Variants in KIAA1328 observed in about 807,000 individuals in gnomAD.
The protein encoded by KIAA1328 is KIAA1328.
KIAA1328 carries 52 observed loss-of-function variants against 68.1 expected under a neutral mutation model. The observed-to-expected ratio is 0.76, with a 90% CI of 0.61 to 0.96. The LOEUF (loss-of-function observed/expected upper bound fraction) is 0.96, where lower values mean the gene tolerates loss of function less well. Ranked by LOEUF, KIAA1328 falls within the 40% of genes least tolerant of loss-of-function variation. The probability of loss-of-function intolerance (pLI) is 0.00; values close to 1 mark genes in which losing one functional copy is unlikely to be tolerated. For missense variants in KIAA1328, 641 were observed against 677.6 expected (o/e 0.95, Z 0.60); for synonymous variants, 232 against 239.4 (o/e 0.97, Z 0.28).
At chr18:37,078,255 C>T (rs992453279) in intron 7 of KIAA1328, among the ~76,000 whole-genome samples, 19 of 152,112 alleles carry the variant, frequency 1.2e-4, no homozygotes, top group Non-Finnish European at 1.8e-4. Flanking sequence ...ATAAATGGTG[C>T]TGGGAAAACT....
At chr18:37,117,431 G>A (rs567524949) in intron 7 of KIAA1328, among the ~76,000 whole-genome samples, 1 of 152,282 alleles carries the variant, frequency 6.6e-6, no homozygotes, top group East Asian at 1.9e-4. Context: ...TCATAGGTGG[G>A]AATTGAACAA....
chr18:37,093,979 T>C (rs1418863046), intron 7 of KIAA1328, among the ~76,000 whole-genome samples: 6 of 152,124 alleles, frequency 3.9e-5, no homozygotes, highest in African/African-American at 9.7e-5. Context: ...CATGAGGAAA[T>C]GAGGAAATGG....
intron 4 of KIAA1328, among the ~76,000 whole-genome samples, chr18:36,871,605 T>C (rs2047947268): frequency 6.6e-6 from 1 of 151,854 alleles, no homozygotes; most frequent in African/African-American, 2.4e-5. Context: ...TGTAAGCAAG[T>C]AGGTAGGTAT....
At chr18:37,110,981 T>C (rs1052008933) in intron 7 of KIAA1328, among the ~76,000 whole-genome samples, 9 of 152,204 alleles carry the variant, frequency 5.9e-5, no homozygotes, top group Admixed American at 4.6e-4. Flanking sequence ...TGGCATTGTG[T>C]CCTTTGGTAC....
chr18:37,007,351 A>G, intron 6 of KIAA1328, among the ~76,000 whole-genome samples: 1 of 152,270 alleles, frequency 6.6e-6, no homozygotes, highest in Middle Eastern at 3.4e-3. Context: ...CATTATATAC[A>G]TGATTGTGTA....
chr18:37,091,343 A>G (rs2057261791), intron 7 of KIAA1328, among the ~76,000 whole-genome samples: 1 of 152,188 alleles, frequency 6.6e-6, no homozygotes, highest in South Asian at 2.1e-4. Context: ...TCACACCAGG[A>G]AGAACTCCTC....
chr18:36,839,121 G>A (rs2046775865), intron 3 of KIAA1328, among the ~76,000 whole-genome samples: 1 of 152,080 alleles, frequency 6.6e-6, no homozygotes, highest in Non-Finnish European at 1.5e-5. Context: ...ATCAAATTGG[G>A]AAATGTTTCA....
At chr18:37,212,683 G>C (rs1382700895) in intron 9 of KIAA1328, among the ~76,000 whole-genome samples, 1 of 152,004 alleles carries the variant, frequency 6.6e-6, no homozygotes, top group Non-Finnish European at 1.5e-5. Flanking sequence ...TTAACCTTAA[G>C]TTTTTCTGGC....
intron 3 of KIAA1328, among the ~76,000 whole-genome samples, chr18:36,841,101 C>T (rs1395974364): frequency 6.6e-6 from 1 of 151,890 alleles, no homozygotes; most frequent in Admixed American, 6.6e-5. Flanking sequence ...TTGAGGATGC[C>T]ATTTGGATCA....
chr18:37,162,884 TAAAAAAA>T (rs34141985), intron 8 of KIAA1328, among the ~76,000 whole-genome samples: 7 of 137,636 alleles, frequency 5.1e-5, no homozygotes, highest in African/African-American at 1.9e-4. Flanking sequence ...CTAAACATGT[TAAAAAAA>T]AAAAAAAGAC....
chr18:36,883,739 A>G (rs2048396355), intron 4 of KIAA1328, among the ~76,000 whole-genome samples: 1 of 152,142 alleles, frequency 6.6e-6, no homozygotes, highest in Non-Finnish European at 1.5e-5. Flanking sequence ...TGTTTTATGC[A>G]TCATCCTACA....
At chr18:36,904,234 A>G (rs914399432) in intron 5 of KIAA1328, among the ~76,000 whole-genome samples, 14 of 152,088 alleles carry the variant, frequency 9.2e-5, no homozygotes, top group African/African-American at 3.4e-4. Flanking sequence ...ATGGAAGTGG[A>G]TTATCCTGAA....
intron 6 of KIAA1328, among the ~76,000 whole-genome samples, chr18:36,974,659 C>T (rs2052388805): frequency 6.6e-6 from 1 of 152,052 alleles, no homozygotes; most frequent in Non-Finnish European, 1.5e-5. Context: ...TGGGTAGATA[C>T]ACAGTAGTGG....
chr18:37,155,951 A>C (rs2059142472), intron 7 of KIAA1328, among the ~76,000 whole-genome samples: 1 of 152,216 alleles, frequency 6.6e-6, no homozygotes, highest in Admixed American at 6.5e-5. Flanking sequence ...GTTAAGTTTG[A>C]GTATTTCAGG....
chr18:36,965,722 C>G (rs2151297002), intron 6 of KIAA1328, among the ~76,000 whole-genome samples: 1 of 150,912 alleles, frequency 6.6e-6, no homozygotes, highest in South Asian at 2.1e-4. Context: ...TGACTACTTC[C>G]TATTCTGTGA....
intron 5 of KIAA1328, among the ~76,000 whole-genome samples, chr18:36,907,252 T>C (rs2049256794): frequency 6.6e-6 from 1 of 152,106 alleles, no homozygotes; most frequent in Non-Finnish European, 1.5e-5. Context: ...GTTTCATCTT[T>C]TCCTTTCTAA....
chr18:36,989,388 G>A (rs954152126), intron 6 of KIAA1328, among the ~76,000 whole-genome samples: 2 of 152,220 alleles, frequency 1.3e-5, no homozygotes, highest in Admixed American at 1.3e-4. Flanking sequence ...CAGAATTCCT[G>A]CGTAAACTTA....
At chr18:37,007,421 A>G (rs2078669830) in intron 6 of KIAA1328, among the ~76,000 whole-genome samples, 1 of 152,164 alleles carries the variant, frequency 6.6e-6, no homozygotes, top group Non-Finnish European at 1.5e-5. Flanking sequence ...TAATATCAGT[A>G]TAGTGCTTGT....
intron 3 of KIAA1328, among the ~76,000 whole-genome samples, chr18:36,836,316 T>A (rs2046673370): frequency 6.6e-6 from 1 of 152,202 alleles, no homozygotes; most frequent in Non-Finnish European, 1.5e-5. Flanking sequence ...ACATAATGGT[T>A]GATTTGTTTT....
Sources: gnomAD v4.1 joint callset for allele counts (sites outside exome capture counted in the v4.1 genomes callset) on GRCh38, gnomAD v4.1.1 for gene constraint, MANE v1.5 for transcripts, NCBI Gene and HGNC (gene_info 2026-07-23, HGNC 2026-07-21) for gene names.